The following CTNNA3 variants were observed in gnomAD, a reference collection of about 807,000 sequenced individuals.
CTNNA3 encodes catenin alpha 3, also known as catenin alpha-3.
A neutral mutation model predicts 95.7 loss-of-function variants in CTNNA3; 76 were observed. The observed-to-expected ratio is 0.79, with a 90% CI of 0.66 to 0.96. The LOEUF is 0.96. Ranked by LOEUF, CTNNA3 falls within the 40% of genes least tolerant of loss-of-function variation. CTNNA3 has a pLI of 0.00. For missense variants in CTNNA3, 1,191 were observed against 1,089.8 expected (o/e 1.09, Z -1.31); for synonymous variants, 431 against 374.4 (o/e 1.15, Z -1.74).
At chr10:66,939,860 A>G (rs1847902967) in intron 7 of CTNNA3, among the ~76,000 whole-genome samples, 2 of 152,172 alleles carry the variant, frequency 1.3e-5, no homozygotes, top group African/African-American at 4.8e-5. Flanking sequence ...AACTAATTTC[A>G]TTGTACTTGT....
chr10:66,595,145 G>A (rs895531036), intron 10 of CTNNA3, among the ~76,000 whole-genome samples: 2 of 151,898 alleles, frequency 1.3e-5, no homozygotes, highest in Non-Finnish European at 2.9e-5. Context: ...CACTGTTCCA[G>A]CATCACAGTG....
intron 5 of CTNNA3, among the ~76,000 whole-genome samples, chr10:67,250,248 C>T (rs192902548): frequency 8.6e-5 from 13 of 151,410 alleles, no homozygotes; most frequent in Admixed American, 6.6e-4. Context: ...TGGAGTCTCA[C>T]TCTGTCACCC....
At chr10:66,465,863 C>A (rs1444385293) in intron 11 of CTNNA3, among the ~76,000 whole-genome samples, 1 of 152,084 alleles carries the variant, frequency 6.6e-6, no homozygotes, top group Non-Finnish European at 1.5e-5. Context: ...TATTAGAAAT[C>A]ATATAGTTTC....
intron 7 of CTNNA3, among the ~76,000 whole-genome samples, chr10:67,057,570 T>C (rs777536817): frequency 6.6e-6 from 1 of 152,172 alleles, no homozygotes; most frequent in Non-Finnish European, 1.5e-5. Context: ...TCTAGGTTTA[T>C]CCATGTTGTC....
At chr10:67,411,030 G>T (rs1333832747) in intron 5 of CTNNA3, among the ~76,000 whole-genome samples, 1 of 152,028 alleles carries the variant, frequency 6.6e-6, no homozygotes, top group Non-Finnish European at 1.5e-5. Context: ...TAAAAATAGT[G>T]GTTAACAGAG....
At chr10:67,443,543 C>T (rs1386984800) in intron 5 of CTNNA3, among the ~76,000 whole-genome samples, 1 of 152,126 alleles carries the variant, frequency 6.6e-6, no homozygotes, top group Non-Finnish European at 1.5e-5. Context: ...TCTCTGATGG[C>T]CAGTGATGAT....
Position 66,457,982 on chromosome 10 carries a change from C to CA in CTNNA3, c.1531+62634dup, listed in dbSNP as rs1401180024. 6.6e-5 allele frequency among the ~76,000 whole-genome samples: 10 copies of CA among 152,236 alleles called. No homozygotes were observed. The East Asian group carries it at 1.9e-3, about 29-fold the overall frequency. Reference sequence around the variant, plus strand: ...GGCTCTTCAAAGCCTCCCACACTCTCATGTTCCAGGAATATCTCAGAGCAT... The same window carrying CA: ...GGCTCTTCAAAGCCTCCCACACTCTCAATGTTCCAGGAATATCTCAGAGCAT... On this transcript the variant is annotated intron_variant, in intron 11 of 17. Coordinates refer to ENST00000433211, the MANE Select transcript of CTNNA3 (RefSeq NM_013266.4).
At chr10:67,702,044 G>C (rs1385401444) in intron 1 of CTNNA3, among the ~76,000 whole-genome samples, 1 of 152,026 alleles carries the variant, frequency 6.6e-6, no homozygotes, top group Non-Finnish European at 1.5e-5. Context: ...ATTACATAAT[G>C]GTAAAGGGAT....
chr10:66,797,406 GA>G (rs1554853578), intron 7 of CTNNA3, among the ~76,000 whole-genome samples: 6,020 of 85,822 alleles, frequency 0.07, 230 homozygotes, highest in African/African-American at 0.18. Context: ...TCAAAAGTAA[GA>G]AAAAAAAAAA....
intron 7 of CTNNA3, among the ~76,000 whole-genome samples, chr10:67,007,904 A>T (rs1386748996): frequency 6.6e-6 from 1 of 152,128 alleles, no homozygotes; most frequent in East Asian, 1.9e-4. Context: ...AAGAAAGGCC[A>T]ACAGGTAATG....
intron 1 of CTNNA3, among the ~76,000 whole-genome samples, chr10:67,715,164 T>G (rs1841135404): frequency 6.6e-6 from 1 of 152,206 alleles, no homozygotes; most frequent in Non-Finnish European, 1.5e-5. Context: ...AATCTACAAA[T>G]TTAAAAGAAT....
chr10:67,699,211 C>T (rs988611303), upstream of CTNNA3, among the ~76,000 whole-genome samples: 1 of 152,156 alleles, frequency 6.6e-6, no homozygotes, highest in African/African-American at 2.4e-5. Flanking sequence ...AATTTTCAAA[C>T]AAACAAAACA....
At chr10:66,753,639 G>A (rs543398195) in intron 9 of CTNNA3, among the ~76,000 whole-genome samples, 1 of 149,202 alleles carries the variant, frequency 6.7e-6, no homozygotes, top group Non-Finnish European at 1.5e-5. Flanking sequence ...TCTAGCCTCG[G>A]CAAAAAGAAT....
rs184957921 is a variant in CTNNA3, at chr10:67,157,570, G to T, written c.1047+22747C>A. Among the ~76,000 whole-genome samples the T allele has an allele frequency of 2.9e-4, 44 of 152,266 alleles. No homozygotes were observed. The East Asian group carries it at 8.1e-3, about 28-fold the overall frequency. On this transcript the variant is annotated intron_variant, in intron 7 of 17. Transcript: ENST00000433211. ...AGTAAATATCTTAGTAAAAGAGGAG[G>T]TTTGTAAACTCTCTCCGGAACCAGT...
chr10:67,556,575 G>T (rs888987832), intron 3 of CTNNA3, among the ~76,000 whole-genome samples: 3 of 152,042 alleles, frequency 2.0e-5, no homozygotes, highest in Non-Finnish European at 4.4e-5. Flanking sequence ...ATGGTACTTT[G>T]TATCTCTGTG....
intron 7 of CTNNA3, among the ~76,000 whole-genome samples, chr10:66,854,718 G>C (rs144951831): frequency 2.8e-3 from 419 of 150,760 alleles, no homozygotes; most frequent in African/African-American, 1.0e-2. Context: ...TGTGGTAGAT[G>C]TGTGTGGGTA....
chr10:66,459,864 T>G (rs1172416296), intron 11 of CTNNA3, among the ~76,000 whole-genome samples: 1 of 152,210 alleles, frequency 6.6e-6, no homozygotes, highest in Non-Finnish European at 1.5e-5. Flanking sequence ...AACACTATCA[T>G]GTAATGAATG....
At chr10:66,199,902 T>C (rs531406862) in intron 13 of CTNNA3, among the ~76,000 whole-genome samples, 6 of 142,116 alleles carry the variant, frequency 4.2e-5, no homozygotes, top group African/African-American at 1.6e-4. Flanking sequence ...TCTGCCCACC[T>C]TGGTCTCCCG....
At chr10:65,976,453 T>C (rs1464142004) in intron 16 of CTNNA3, among the ~76,000 whole-genome samples, 1 of 152,158 alleles carries the variant, frequency 6.6e-6, no homozygotes, top group Non-Finnish European at 1.5e-5. Flanking sequence ...ATAATTCCAT[T>C]AAGGAAAGAA....
Sources: gnomAD v4.1 joint callset for allele counts (sites outside exome capture counted in the v4.1 genomes callset) on GRCh38, gnomAD v4.1.1 for gene constraint, MANE v1.5 for transcripts, NCBI Gene and HGNC (gene_info 2026-07-23, HGNC 2026-07-21) for gene names.